Variants in NR2E1 observed in about 807,000 individuals in gnomAD.
NR2E1 encodes nuclear receptor subfamily 2 group E member 1.
Under a neutral mutation model 43.6 loss-of-function variants are expected in NR2E1, and 5 were observed. The ratio of observed to expected loss-of-function variants is 0.11; its 90% CI spans 0.06 to 0.24. NR2E1 has a LOEUF of 0.24. NR2E1 is among the 10% of genes least tolerant of loss of function. The pLI, the probability that NR2E1 is intolerant of heterozygous loss-of-function variation, is 1.00. For missense variants in NR2E1, 287 were observed against 496.7 expected (o/e 0.58, Z 4.01); for synonymous variants, 191 against 195.5 (o/e 0.98, Z 0.19).
At chr6:108,175,146 A>G (rs1275488309) in intron 3 of NR2E1, among the ~76,000 whole-genome samples, 2 of 152,012 alleles carry the variant, frequency 1.3e-5, no homozygotes, top group Admixed American at 6.5e-5. Flanking sequence ...CACATCAGGA[A>G]CTTGCGCCCC....
chr6:108,169,766 C>T lies in NR2E1; in HGVS notation c.26-1692C>T, dbSNP rs2114670516. 6.6e-6 allele frequency among the ~76,000 whole-genome samples: 1 copy of T among 152,148 alleles called. No homozygotes were observed. Among genetic ancestry groups the T allele is most frequent in the East Asian group, 2.0e-4 (1 of 5,128 alleles). On this transcript the variant is annotated intron_variant, in intron 1 of 8. Coordinates refer to ENST00000368986, the MANE Select transcript of NR2E1 (RefSeq NM_003269.5). This position sits in a 1 kb window ranked among gnomAD's most constrained non-coding sequence, Gnocchi z 6.1. ...CCCCTCCCTCCCACAGCACAATCTC[C>T]CCTCCCGCCCTGTGGGAGGGGGGCG...
At position 108,166,863 on chromosome 6, in the gene NR2E1, G is replaced by A; in HGVS notation, c.25+73G>A. ...CGAGCGAGCGGGGAGGCTGGGGGAG[G>A]TCCTGCCTGGAGCGCTGCGAATCTG... is the stretch of plus-strand genomic sequence containing the variant. On this transcript the variant is annotated intron_variant, in intron 1 of 8. Transcript: ENST00000368986. The surrounding 1 kb of genome is among the most constrained non-coding windows in gnomAD (Gnocchi z 7.2). 2.1e-6 allele frequency: 3 copies of A among 1,450,462 alleles called. No individual in the cohort carries two copies. The highest frequency in any genetic ancestry group is 4.8e-5 in the East Asian group (2 of 41,996). 89.8% of individuals were successfully genotyped at this position (1,450,462 alleles called of 1,614,324 possible).
chr6:108,166,073 G>T lies in NR2E1; in HGVS notation c.-693G>T, dbSNP rs1022548685. The T allele has an allele frequency of 6.5e-6, 1 of 152,710 alleles. No individual in the cohort carries two copies. The highest frequency in any genetic ancestry group is 1.5e-5 in the Non-Finnish European group (1 of 68,082). 9.5% of individuals were successfully genotyped at this position (152,710 alleles called of 1,614,324 possible). ...GAGCGCTTCTGGAGATATTACAGGG[G>T]ACCCAGCCCGCAGCGACAGGCACAA... On this transcript the variant is annotated 5_prime_UTR_variant, in exon 1 of 9. Coordinates refer to ENST00000368986, the MANE Select transcript of NR2E1 (RefSeq NM_003269.5). This position sits in a 1 kb window ranked among gnomAD's most constrained non-coding sequence, Gnocchi z 7.2.
At chr6:108,171,643 T>G in intron 2 of NR2E1, 40 bp downstream of exon 2, 1 of 1,612,630 alleles carries the variant, frequency 6.2e-7, no homozygotes. Context: ...TCCGCTCTGC[T>G]GCCTCCTCAC....
intron 5 of NR2E1, among the ~76,000 whole-genome samples, chr6:108,179,816 T>G (rs1466610191): frequency 6.6e-6 from 1 of 152,054 alleles, no homozygotes; most frequent in East Asian, 1.9e-4. Context: ...AAAACCCGAT[T>G]AACATAATTA....
intron 8 of NR2E1, among the ~76,000 whole-genome samples, chr6:108,183,588 A>G (rs1774026020): frequency 6.6e-6 from 1 of 152,128 alleles, no homozygotes; most frequent in Admixed American, 6.5e-5. Flanking sequence ...AGAGGCTGTT[A>G]ATGCCTCCCT....
intron 4 of NR2E1, among the ~76,000 whole-genome samples, chr6:108,177,806 T>C (rs947192244): frequency 6.6e-6 from 1 of 152,198 alleles, no homozygotes; most frequent in African/African-American, 2.4e-5. Flanking sequence ...GGCACTTGGC[T>C]CAGCCCAAGG....
intron 8 of NR2E1, among the ~76,000 whole-genome samples, chr6:108,184,208 A>C (rs1582450766): frequency 6.6e-6 from 1 of 152,304 alleles, no homozygotes; most frequent in East Asian, 1.9e-4. Context: ...AAAACAAACA[A>C]AAAAATTAAA....
chr6:108,186,240 A>G (rs1438293046), intron 8 of NR2E1, among the ~76,000 whole-genome samples: 2 of 152,208 alleles, frequency 1.3e-5, no homozygotes, highest in Non-Finnish European at 2.9e-5. Flanking sequence ...GAAGCTGGGC[A>G]GTGAAAGAGC....
chr6:108,187,695 C>T lies in NR2E1; in HGVS notation c.*232C>T. ...GCAACAGGACCGCCTGCACTGAAAACTCACTGCTGCCATGCCCTGGGAGGG... is the reference window on the plus strand; with the variant it reads ...GCAACAGGACCGCCTGCACTGAAAATTCACTGCTGCCATGCCCTGGGAGGG... On this transcript the variant is annotated 3_prime_UTR_variant, in exon 9 of 9. Coordinates refer to ENST00000368986, the MANE Select transcript of NR2E1 (RefSeq NM_003269.5). 2.0e-6 allele frequency: 1 copy of T among 508,768 alleles called. No homozygotes were observed. The highest frequency in any genetic ancestry group is 3.6e-6 in the Non-Finnish European group (1 of 279,364). The allele number at this position is 508,768 out of a possible 1,614,324, so 31.5% of individuals were successfully genotyped here. A position where few individuals can be genotyped will look rare whatever the true frequency, so the allele number is the denominator to read the frequency against.
At chr6:108,167,018 C>T (rs1773720708) in intron 1 of NR2E1, among the ~76,000 whole-genome samples, 1 of 152,060 alleles carries the variant, frequency 6.6e-6, no homozygotes, top group Non-Finnish European at 1.5e-5. Context: ...CTGTCTGGTG[C>T]GGTGAGAAGG....
chr6:108,177,404 C>G (rs2114677177), intron 4 of NR2E1, among the ~76,000 whole-genome samples: 1 of 152,316 alleles, frequency 6.6e-6, no homozygotes, highest in Middle Eastern at 3.4e-3. Flanking sequence ...GCCTACCCTC[C>G]AGGCCTACAG....
In NR2E1 at chr6:108,166,933, C is replaced by A. The variant is rs1424975820; in HGVS notation, c.25+143C>A. 1 of 882,818 alleles carries A rather than the reference C, an allele frequency of 1.1e-6. No homozygotes were observed. Among genetic ancestry groups the A allele is most frequent in the Non-Finnish European group, 1.8e-6 (1 of 559,796 alleles). 54.7% of individuals were successfully genotyped at this position (882,818 alleles called of 1,614,324 possible). A position where few individuals can be genotyped will look rare whatever the true frequency, so the allele number is the denominator to read the frequency against. ...AGCGGGCGTGTGCGTTCGGCCCAGA[C>A]CTGTAGACCGTGAGTTGGAGCATTT... On this transcript the variant is annotated intron_variant, in intron 1 of 8. Coordinates refer to ENST00000368986, the MANE Select transcript of NR2E1 (RefSeq NM_003269.5). The surrounding 1 kb of genome is among the most constrained non-coding windows in gnomAD (Gnocchi z 7.2).
At chr6:108,186,745 A>G (rs1774082572) in intron 8 of NR2E1, among the ~76,000 whole-genome samples, 1 of 152,222 alleles carries the variant, frequency 6.6e-6, no homozygotes, top group Admixed American at 6.5e-5. Context: ...TTGACATGAG[A>G]GTTGGGTGGC....
At chr6:108,168,059 G>A in intron 1 of NR2E1, 1 of 1,602,550 alleles carries the variant, frequency 6.2e-7, no homozygotes, top group South Asian at 1.1e-5. Flanking sequence ...GAGCAGAGAA[G>A]GAGCCCTCAC....
At chr6:108,186,438 C>T (rs1774076546) in intron 8 of NR2E1, among the ~76,000 whole-genome samples, 1 of 152,146 alleles carries the variant, frequency 6.6e-6, no homozygotes, top group Non-Finnish European at 1.5e-5. Context: ...ATTTTGATAT[C>T]CCTTAGCTTC....
chr6:108,175,206 G>A (rs765577102), intron 3 of NR2E1, among the ~76,000 whole-genome samples: 4 of 152,190 alleles, frequency 2.6e-5, no homozygotes, highest in Non-Finnish European at 5.9e-5. Flanking sequence ...CTCTCCAGGG[G>A]ACCGGCGCGC....
chr6:108,186,826 A>G (rs904282555), intron 8 of NR2E1, among the ~76,000 whole-genome samples: 1 of 152,182 alleles, frequency 6.6e-6, no homozygotes, highest in African/African-American at 2.4e-5. Flanking sequence ...GAGAGAGACT[A>G]AGTATAATGC....
intron 2 of NR2E1, among the ~76,000 whole-genome samples, chr6:108,174,536 CG>C (rs960319129): frequency 7.2e-5 from 11 of 152,048 alleles, no homozygotes; most frequent in African/African-American, 2.7e-4. Context: ...CGCAGGCCTG[CG>C]GGGTCTGCCA....
Sources: gnomAD v4.1 joint callset for allele counts (sites outside exome capture counted in the v4.1 genomes callset) on GRCh38, gnomAD v4.1.1 for gene constraint, Gnocchi (gnomAD v3.1) non-coding constraint, MANE v1.5 for transcripts, NCBI Gene and HGNC (gene_info 2026-07-23, HGNC 2026-07-21) for gene names.